The following PSMC5 variants were observed in gnomAD, a reference collection of about 807,000 sequenced individuals.
The protein encoded by PSMC5 is 26S proteasome regulatory subunit 8.
PSMC5 carries 11 observed loss-of-function variants against 49.1 expected under a neutral mutation model. The observed-to-expected ratio is 0.22, with a 90% CI of 0.14 to 0.37. The LOEUF is 0.37. Among genes scored for constraint, PSMC5 ranks in the 10% least tolerant of loss-of-function variants. The pLI is 1.00. For missense variants in PSMC5, 229 were observed against 520.9 expected, an observed-to-expected ratio of 0.44 and a Z score of 5.45; for synonymous variants, 206 against 192.2, an observed-to-expected ratio of 1.07 and a Z score of -0.59.
rs762731576 is a variant in PSMC5 at position 63,831,667 on chromosome 17, CAAGGGCCACAGAT to C, written c.1080+52_1081-44del. ...GGGCAGAGGCAGGAAGCTCTGGGCTCAAGGGCCACAGATGAGGGGCACAGCAGTGGGGCCTCAA... is the reference window on the plus strand; with the variant it reads ...GGGCAGAGGCAGGAAGCTCTGGGCTCGAGGGGCACAGCAGTGGGGCCTCAA... On this transcript the variant is annotated intron_variant, in intron 10 of 11. Coordinates refer to ENST00000310144, the MANE Select transcript of PSMC5 (RefSeq NM_002805.6). This position sits in a 1 kb window ranked among gnomAD's most constrained non-coding sequence, Gnocchi z 6.3. 1.2e-6 allele frequency: 2 copies of C among 1,613,100 alleles called. No homozygotes were observed. The highest frequency in any genetic ancestry group is 1.3e-5 in the African/African-American group (1 of 74,886).
In PSMC5 at chr17:63,827,490, G is replaced by A. The variant is rs1245017738; in HGVS notation, c.-1G>A. Reference sequence around the variant, plus strand: ...CCGGCGGTCTCTGCTGAAGAGAGAAGATGGCGCTTGACGGACCAGAGCAGG... The same window carrying A: ...CCGGCGGTCTCTGCTGAAGAGAGAAAATGGCGCTTGACGGACCAGAGCAGG... On this transcript the variant is annotated 5_prime_UTR_variant, in exon 1 of 12. Transcript: ENST00000310144. The A allele has an allele frequency of 1.3e-5, 20 of 1,551,638 alleles. No individual in the cohort carries two copies. The highest frequency in any genetic ancestry group is 1.7e-4 in the Middle Eastern group (1 of 6,014).
At chr17:63,829,998 C>T (rs766202393) in intron 4 of PSMC5, 49 bp downstream of exon 4, 28 of 1,574,762 alleles carry the variant, frequency 1.8e-5, no homozygotes, top group Non-Finnish European at 2.4e-5. Flanking sequence ...ACTGCATTCC[C>T]ACCCCTTTGT....
chr17:63,829,660 T>C, intron 3 of PSMC5, 97 bp downstream of exon 3: 1 of 1,333,880 alleles, frequency 7.5e-7, no homozygotes, highest in Non-Finnish European at 1.0e-6. Context: ...CTTACTGTTT[T>C]CTCCCTGTCA....
chr17:63,830,181 A>G lies in PSMC5; in HGVS notation c.313A>G (p.Ile105Val), dbSNP rs1220383102. ...FVVDVDKNID[I>V]NDVTPNCRVA... ...TGTAGACGTGGACAAAAACATTGACATCAATGATGTGAGTGTAGCAGGTGA... is the reference window on the plus strand; with the variant it reads ...TGTAGACGTGGACAAAAACATTGACGTCAATGATGTGAGTGTAGCAGGTGA... Residue 105 changes from isoleucine to valine, a missense_variant, in exon 5 of 12, where the codon ATC (isoleucine) becomes GTC (valine). Transcript: ENST00000310144. The surrounding 1 kb of genome is among the most constrained non-coding windows in gnomAD (Gnocchi z 4.0). 6 of 1,614,094 alleles carry G rather than the reference A, an allele frequency of 3.7e-6. No individual in the cohort carries two copies. The Admixed American group carries it at 6.7e-5, about 18-fold the overall frequency.
rs765705310 is a variant in PSMC5, at chr17:63,831,118, C to T, written c.762C>T (p.Ile254=). 36 of 1,567,318 alleles carry T rather than the reference C, an allele frequency of 2.3e-5. No homozygotes were observed. Among genetic ancestry groups the T allele is most frequent in the Middle Eastern group, 1.7e-4 (1 of 5,830 alleles). Residue 254 remains isoleucine (I), a synonymous_variant, in exon 8 of 12, where the codon ATC becomes ATT. Transcript: ENST00000310144. This position sits in a 1 kb window ranked among gnomAD's most constrained non-coding sequence, Gnocchi z 6.3. ...TCTTCATGGACGAAATCGACTCCAT[C>T]GGCTCCTCGCGGCTGGAGGGGGGTT... ...SIIFMDEIDS[I]GSSRLEGGSG... is the part of the protein sequence containing the mutation.
At position 63,831,289 on chromosome 17, in the gene PSMC5, A is replaced by G. The variant is rs1413152630; in HGVS notation, c.871-38A>G. 2 of 1,611,730 alleles carry G rather than the reference A, an allele frequency of 1.2e-6. No individual in the cohort carries two copies. The highest frequency in any genetic ancestry group is 1.3e-5 in the African/African-American group (1 of 74,798). ...GCCTGGGTGCCACGCAGGCTGAGGAAGAGGTTTAGCTGATCCCCACTTGCT... is the reference window on the plus strand; with the variant it reads ...GCCTGGGTGCCACGCAGGCTGAGGAGGAGGTTTAGCTGATCCCCACTTGCT... On this transcript the variant is annotated intron_variant, in intron 8 of 11. Transcript: ENST00000310144. The surrounding 1 kb of genome is among the most constrained non-coding windows in gnomAD (Gnocchi z 6.3).
chr17:63,830,524 G>A lies in PSMC5; in HGVS notation c.552+23G>A. ...AAGGTGAGGAGCAGGGCTTCTCTGA[G>A]AGGGCCAAGCTGTACTTACTCCTCC... On this transcript the variant is annotated intron_variant, in intron 6 of 11. Coordinates refer to ENST00000310144, the MANE Select transcript of PSMC5 (RefSeq NM_002805.6). The surrounding 1 kb of genome is among the most constrained non-coding windows in gnomAD (Gnocchi z 4.0). The A allele has an allele frequency of 6.2e-7, 1 of 1,612,120 alleles. No individual in the cohort carries two copies. Among genetic ancestry groups the A allele is most frequent in the Non-Finnish European group, 8.5e-7 (1 of 1,179,478 alleles).
Position 63,829,570 on chromosome 17 carries a change from G to A in PSMC5, c.166+7G>A. 6.4e-7 allele frequency: 1 copy of A among 1,552,996 alleles called. No homozygotes were observed. The highest frequency in any genetic ancestry group is 1.7e-4 in the Middle Eastern group (1 of 5,992). On this transcript the variant is annotated splice_region_variant and intron_variant, in intron 3 of 11. Transcript: ENST00000310144. ...AACGAACTAAATGCTAAAGGTGAGT[G>A]GAGAAAGATGGGAAGCCGCATGTGG...
chr17:63,830,056 G>C lies in PSMC5; in HGVS notation c.265-77G>C. 6.3e-7 allele frequency: 1 copy of C among 1,577,174 alleles called. No individual in the cohort carries two copies. The highest frequency in any genetic ancestry group is 8.6e-7 in the Non-Finnish European group (1 of 1,158,208). ...TCTGTGTTCTGTCAAGGTATTGTGG[G>C]ATTCTCATAGGTCTTCCTGGGTAGG... is the stretch of plus-strand genomic sequence containing the variant. On this transcript the variant is annotated intron_variant, in intron 4 of 11. Transcript: ENST00000310144. The surrounding 1 kb of genome is among the most constrained non-coding windows in gnomAD (Gnocchi z 4.0).
At position 63,830,052 on chromosome 17, in the gene PSMC5, G is replaced by T; in HGVS notation, c.265-81G>T. 6 of 1,575,426 alleles carry T rather than the reference G, an allele frequency of 3.8e-6. No individual in the cohort carries two copies. Among genetic ancestry groups the T allele is most frequent in the Non-Finnish European group, 5.2e-6 (6 of 1,156,890 alleles). ...GGGTTCTGTGTTCTGTCAAGGTATT[G>T]TGGGATTCTCATAGGTCTTCCTGGG... On this transcript the variant is annotated intron_variant, in intron 4 of 11. Transcript: ENST00000310144. The surrounding 1 kb of genome is among the most constrained non-coding windows in gnomAD (Gnocchi z 4.0).
rs997343523 is a variant in PSMC5 at position 63,829,859 on chromosome 17, A to G, written c.174A>G (p.Leu58=). Residue 58 remains leucine (L), a synonymous_variant, in exon 4 of 12, where the codon CTA becomes CTG. Coordinates refer to ENST00000310144, the MANE Select transcript of PSMC5 (RefSeq NM_002805.6). ...TGTCTGTTTGCCATCTAGTTCGCCT[A>G]TTGCGGGAGGAGCTACAGCTGCTGC... ...QRNELNAKVR[L]LREELQLLQE... 7 of 1,614,138 alleles carry G rather than the reference A, an allele frequency of 4.3e-6. No homozygotes were observed. The highest frequency in any genetic ancestry group is 2.2e-5 in the East Asian group (1 of 44,888).
In PSMC5 at chr17:63,829,969, A is replaced by G; in HGVS notation, c.264+20A>G. 1.9e-6 allele frequency: 3 copies of G among 1,598,624 alleles called. No homozygotes were observed. The highest frequency in any genetic ancestry group is 2.6e-6 in the Non-Finnish European group (3 of 1,171,896). On this transcript the variant is annotated intron_variant, in intron 4 of 11. Coordinates refer to ENST00000310144, the MANE Select transcript of PSMC5 (RefSeq NM_002805.6). ...GTCAAGGTAAAAGCAGCATGACCCC[A>G]GGGACCAGCTCGGTCTCCACTGCAT...
Position 63,830,184 on chromosome 17 carries a change from AATG to A in PSMC5, c.320_321+1del, listed in dbSNP as rs761308213. On this transcript the variant is annotated inframe_deletion and splice_region_variant, in exon 5 of 12. Coordinates refer to ENST00000310144, the MANE Select transcript of PSMC5 (RefSeq NM_002805.6). This position sits in a 1 kb window ranked among gnomAD's most constrained non-coding sequence, Gnocchi z 4.0. ...AGACGTGGACAAAAACATTGACATCAATGATGTGAGTGTAGCAGGTGAGGTGGT... is the reference window on the plus strand; with the variant it reads ...AGACGTGGACAAAAACATTGACATCAATGTGAGTGTAGCAGGTGAGGTGGT... 1 of 1,614,146 alleles carries A rather than the reference AATG, an allele frequency of 6.2e-7. No homozygotes were observed. Among genetic ancestry groups the A allele is most frequent in the Admixed American group, 1.7e-5 (1 of 60,018 alleles).
rs1356522747 is a variant in PSMC5 at position 63,830,974 on chromosome 17, G to T, written c.679+39G>T. Reference sequence around the variant, plus strand: ...GCAATGTGAGAAGCAAGAGGTAGGGGTAGGGGGTTAGAGAGCTAATAAGCT... The same window carrying T: ...GCAATGTGAGAAGCAAGAGGTAGGGTTAGGGGGTTAGAGAGCTAATAAGCT... On this transcript the variant is annotated intron_variant, in intron 7 of 11. Transcript: ENST00000310144. This position sits in a 1 kb window ranked among gnomAD's most constrained non-coding sequence, Gnocchi z 4.0. 3.1e-6 allele frequency: 5 copies of T among 1,613,436 alleles called. No individual in the cohort carries two copies. The Admixed American group carries it at 6.7e-5, about 22-fold the overall frequency.
At position 63,830,231 on chromosome 17, in the gene PSMC5, T is replaced by A. The variant is rs752397308; in HGVS notation, c.322-40T>A. On this transcript the variant is annotated intron_variant, in intron 5 of 11. Coordinates refer to ENST00000310144, the MANE Select transcript of PSMC5 (RefSeq NM_002805.6). The surrounding 1 kb of genome is among the most constrained non-coding windows in gnomAD (Gnocchi z 4.0). ...AGGTGGTGGTGGTGGTGGGGTCAGC[T>A]CTTACTGTACCACTTCTGAAACTCG... 8 of 1,613,846 alleles carry A rather than the reference T, an allele frequency of 5.0e-6. No individual in the cohort carries two copies. Among genetic ancestry groups the A allele is most frequent in the Non-Finnish European group, 6.8e-6 (8 of 1,179,918 alleles).
chr17:63,828,292 G>A (rs1443065277), intron 2 of PSMC5, 83 bp downstream of exon 2: 1 of 1,396,974 alleles, frequency 7.2e-7, no homozygotes, highest in Non-Finnish European at 1.0e-6. Flanking sequence ...TAATTCCTTT[G>A]GGAGTGCAGT....
chr17:63,828,027 T>C, intron 1 of PSMC5, 111 bp from the exon 2 acceptor site: 1 of 1,401,944 alleles, frequency 7.1e-7, no homozygotes, highest in South Asian at 1.2e-5. Context: ...GTCCAAACTT[T>C]TTCTACTACG....
At chr17:63,828,296 G>A (rs1392172002) in intron 2 of PSMC5, 87 bp downstream of exon 2, 5 of 1,354,388 alleles carry the variant, frequency 3.7e-6, no homozygotes, top group Non-Finnish European at 5.2e-6. Flanking sequence ...TCCTTTGGGA[G>A]TGCAGTGGAA....
chr17:63,832,007 T>A lies in PSMC5; in HGVS notation c.*38T>A. ...TGTGTGTATCTCTCCAATAAAGCTCTGTGGGCCAAGTCCTCTAGGACTCCA... is the reference window on the plus strand; with the variant it reads ...TGTGTGTATCTCTCCAATAAAGCTCAGTGGGCCAAGTCCTCTAGGACTCCA... On this transcript the variant is annotated 3_prime_UTR_variant, in exon 12 of 12. Transcript: ENST00000310144. 1 of 1,590,408 alleles carries A rather than the reference T, an allele frequency of 6.3e-7. No homozygotes were observed. Among genetic ancestry groups the A allele is most frequent in the South Asian group, 1.1e-5 (1 of 90,534 alleles).
Sources: gnomAD v4.1 joint callset for allele counts on GRCh38, gnomAD v4.1.1 for gene constraint, Gnocchi (gnomAD v3.1) non-coding constraint, MANE v1.5 for transcripts, NCBI Gene and HGNC (gene_info 2026-07-23, HGNC 2026-07-21) for gene names.